The following ABAT variants were observed in gnomAD, a reference collection of about 807,000 sequenced individuals.
ABAT encodes 4-aminobutyrate aminotransferase, mitochondrial.
ABAT carries 45 observed loss-of-function variants against 64.6 expected under a neutral mutation model. That is an observed-to-expected ratio of 0.70 (90% confidence interval 0.55 to 0.89). The LOEUF (loss-of-function observed/expected upper bound fraction) is 0.89, where lower values mean the gene tolerates loss of function less well. Ranked by LOEUF, ABAT falls within the 40% of genes least tolerant of loss-of-function variation. The pLI, the probability that ABAT is intolerant of heterozygous loss-of-function variation, is 0.00. For missense variants in ABAT, 633 were observed against 658.4 expected, an observed-to-expected ratio of 0.96 and a Z score of 0.42; for synonymous variants, 297 against 250.5, an observed-to-expected ratio of 1.19 and a Z score of -1.75.
At chr16:8,739,682 T>A (rs1358215965) in intron 2 of ABAT, among the ~76,000 whole-genome samples, 1 of 152,074 alleles carries the variant, frequency 6.6e-6, no homozygotes, top group Admixed American at 6.6e-5. Flanking sequence ...AGCACTTTAT[T>A]TGTATTTACA....
At chr16:8,768,371 AT>A in intron 10 of ABAT, 115 bp downstream of exon 10, 2 of 985,122 alleles carry the variant, frequency 2.0e-6, no homozygotes, top group South Asian at 2.7e-5. Flanking sequence ...ATTGCACACA[AT>A]CCCACTGCAG....
chr16:8,725,064 C>A (rs879332290), intron 1 of ABAT, among the ~76,000 whole-genome samples: 1 of 152,034 alleles, frequency 6.6e-6, no homozygotes, highest in Non-Finnish European at 1.5e-5. Context: ...TTACAGGCGC[C>A]TGCCACCACG....
rs750534015 is a variant in ABAT at position 8,772,787 on chromosome 16, A to T, written c.824A>T (p.Asp275Val). 1.2e-6 allele frequency: 2 copies of T among 1,614,086 alleles called. No homozygotes were observed. The highest frequency in any genetic ancestry group is 2.2e-5 in the South Asian group (2 of 91,080). The stretch of plus-strand genomic sequence containing the variant: ...TTCCCCTTTGGGATCCAGGTGGAGG[A>T]TCTGATTGTGAAATATCGGAAAAAG... ...EEARCLEEVE[D>V]LIVKYRKKKK... The change falls in exon 12 of 16, where the codon GAT becomes GTT. Residue 275 changes from aspartate (D) to valine (V), a missense_variant. Physicochemically the swap from Asp to Val is radical, Grantham distance 152. Transcript: ENST00000268251.
At chr16:8,692,496 A>G (rs1406994668) in intron 1 of ABAT, among the ~76,000 whole-genome samples, 1 of 152,236 alleles carries the variant, frequency 6.6e-6, no homozygotes, top group African/African-American at 2.4e-5. Flanking sequence ...TGGAAGCTGC[A>G]TTCCAGGACA....
chr16:8,747,146 A>C (rs1078510), intron 3 of ABAT, among the ~76,000 whole-genome samples: 3,374 of 152,284 alleles, frequency 0.022, 132 homozygotes, highest in African/African-American at 0.075. Flanking sequence ...GGCCAAAGCC[A>C]GTCATAGCTT....
chr16:8,776,459 A>G lies in ABAT; in HGVS notation c.1238A>G (p.Lys413Arg). Residue 413 changes from lysine to arginine, a missense_variant, in exon 14 of 16, where the codon AAG (lysine) becomes AGG (arginine). Lys to Arg is a conservative substitution (Grantham distance 26). Coordinates refer to ENST00000268251, the MANE Select transcript of ABAT (RefSeq NM_020686.6). This position sits in a 1 kb window ranked among gnomAD's most constrained non-coding sequence, Gnocchi z 4.4. Reference protein sequence around the residue: ...DLLNNAAHAGKALLTGLLDLQ... With the variant: ...DLLNNAAHAGRALLTGLLDLQ... ...CTAAATAATGCAGCCCATGCCGGGA[A>G]GGCCCTGCTCACAGGACTGCTGGAC... The G allele has an allele frequency of 6.2e-7, 1 of 1,614,218 alleles. No individual in the cohort carries two copies. Among genetic ancestry groups the G allele is most frequent in the Non-Finnish European group, 8.5e-7 (1 of 1,180,036 alleles).
At chr16:8,760,976 G>T (rs149182873) in intron 6 of ABAT, among the ~76,000 whole-genome samples, 1,935 of 152,316 alleles carry the variant, frequency 0.013, 43 homozygotes, top group African/African-American at 0.044. Context: ...CTACTCAGGA[G>T]GCTGAGGTGG....
Position 8,781,621 on chromosome 16 carries a change from C to T in ABAT, c.*191C>T. 1.4e-6 allele frequency: 1 copy of T among 718,374 alleles called. No homozygotes were observed. Among genetic ancestry groups the T allele is most frequent in the Non-Finnish European group, 2.3e-6 (1 of 427,208 alleles). The allele number at this position is 718,374 out of a possible 1,614,324, so 44.5% of individuals were successfully genotyped here. A position where few individuals can be genotyped will look rare whatever the true frequency, so the allele number is the denominator to read the frequency against. On this transcript the variant is annotated 3_prime_UTR_variant, in exon 16 of 16. Coordinates refer to ENST00000268251, the MANE Select transcript of ABAT (RefSeq NM_020686.6). The surrounding 1 kb of genome is among the most constrained non-coding windows in gnomAD (Gnocchi z 4.5). ...GGGAAGGGCTGGTGTTGATTTTCCT[C>T]CCTGCAGAGCCAATGGTGCACATTG...
chr16:8,767,296 G>A (rs755614381), intron 9 of ABAT, among the ~76,000 whole-genome samples: 2 of 152,236 alleles, frequency 1.3e-5, no homozygotes, highest in Non-Finnish European at 2.9e-5. Context: ...GCTGCCATGG[G>A]AGAGTGCCCG....
intron 1 of ABAT, chr16:8,714,878 T>A (rs1204312821): frequency 6.6e-6 from 1 of 152,596 alleles, no homozygotes; most frequent in African/African-American, 2.4e-5. Context: ...TCAGACACAT[T>A]GCTGCTGCCT....
intron 1 of ABAT, among the ~76,000 whole-genome samples, chr16:8,685,270 A>G (rs1443966644): frequency 1.3e-5 from 2 of 152,056 alleles, no homozygotes; most frequent in Non-Finnish European, 2.9e-5. Context: ...TGAGCAATGG[A>G]GACCCTGTCT....
At chr16:8,765,153 G>A (rs2059908443) in intron 8 of ABAT, among the ~76,000 whole-genome samples, 3 of 151,666 alleles carry the variant, frequency 2.0e-5, no homozygotes, top group Admixed American at 6.6e-5. Flanking sequence ...GCAACATGAC[G>A]AAACCCCATC....
chr16:8,752,132 T>C (rs938831664), intron 5 of ABAT, among the ~76,000 whole-genome samples: 16 of 152,208 alleles, frequency 1.1e-4, no homozygotes, highest in Non-Finnish European at 1.8e-4. Context: ...CCCCTCCTCT[T>C]CTTCCCCTGC....
Position 8,719,612 on chromosome 16 carries a change from G to A in ABAT, c.-41-16087G>A, listed in dbSNP as rs545191150. 1.6e-4 allele frequency among the ~76,000 whole-genome samples: 24 copies of A among 152,226 alleles called. 1 individual carries two copies. Among genetic ancestry groups the A allele is most frequent in the African/African-American group, 5.8e-4 (24 of 41,542 alleles). ...TTTCTCATGAAATCTGGATGTTGAG[G>A]CTGGTAGCAGGACCACCGCATGTGC... On this transcript the variant is annotated intron_variant, in intron 1 of 15. Transcript: ENST00000268251.
At chr16:8,724,851 C>G (rs1567286877) in intron 1 of ABAT, among the ~76,000 whole-genome samples, 1 of 150,504 alleles carries the variant, frequency 6.6e-6, no homozygotes, top group Non-Finnish European at 1.5e-5. Flanking sequence ...TGTCATTACT[C>G]TACACACACT....
intron 1 of ABAT, among the ~76,000 whole-genome samples, chr16:8,717,526 A>T (rs941910026): frequency 6.6e-6 from 1 of 152,148 alleles, no homozygotes; most frequent in Non-Finnish European, 1.5e-5. Context: ...CTCCAAACCA[A>T]ACCAGACCAG....
intron 1 of ABAT, among the ~76,000 whole-genome samples, chr16:8,684,335 G>A (rs2057403557): frequency 6.6e-6 from 1 of 152,182 alleles, no homozygotes; most frequent in Admixed American, 6.5e-5. Context: ...CGCTTTGAGA[G>A]GCCGAGGTGG....
intron 4 of ABAT, among the ~76,000 whole-genome samples, chr16:8,749,201 C>T (rs1164543893): frequency 6.6e-6 from 1 of 151,202 alleles, no homozygotes; most frequent in Admixed American, 6.6e-5. Context: ...AATTCTCCTG[C>T]CTCAGCCTCT....
rs1470964062 is a variant in ABAT, at chr16:8,719,441, TCTG to T, written c.-41-16257_-41-16255del. On this transcript the variant is annotated intron_variant, in intron 1 of 15. Coordinates refer to ENST00000268251, the MANE Select transcript of ABAT (RefSeq NM_020686.6). Reference sequence around the variant, plus strand: ...TCGGAGGCTTGGATGTGAAGCCCTGTCTGTTCATTTTTCTCTCCAGTTTTTTCA... The same window carrying T: ...TCGGAGGCTTGGATGTGAAGCCCTGTTTCATTTTTCTCTCCAGTTTTTTCA... Among the ~76,000 whole-genome samples, 5 of 152,314 alleles carry T rather than the reference TCTG, an allele frequency of 3.3e-5. No homozygotes were observed. The East Asian group carries it at 9.7e-4, about 29-fold the overall frequency.
Sources: allele counts gnomAD v4.1 joint callset (sites outside exome capture counted in the v4.1 genomes callset), GRCh38; gene constraint gnomAD v4.1.1; non-coding constraint Gnocchi (gnomAD v3.1); transcripts MANE v1.5; gene names NCBI Gene and HGNC (gene_info 2026-07-23, HGNC 2026-07-21).